Variants in ICAM5 observed in about 807,000 individuals in gnomAD.
ICAM5 encodes the protein ICAM-5.
ICAM5 carries 38 observed loss-of-function variants against 78.8 expected under a neutral mutation model. That is an observed-to-expected ratio of 0.48 (90% CI 0.37 to 0.63). ICAM5 has a LOEUF of 0.63. Ranked by LOEUF, ICAM5 falls within the 30% of genes least tolerant of loss-of-function variation. The pLI, the probability that ICAM5 is intolerant of heterozygous loss-of-function variation, is 0.00. For missense variants in ICAM5, 1,059 were observed against 1,303.0 expected (o/e 0.81, Z 2.88); for synonymous variants, 544 against 590.9 (o/e 0.92, Z 1.15).
Position 10,293,602 on chromosome 19 carries a change from AC to A in ICAM5, c.1466-95del. 6.7e-7 allele frequency: 1 copy of A among 1,500,122 alleles called. No homozygotes were observed. Among genetic ancestry groups the A allele is most frequent in the Non-Finnish European group, 9.0e-7 (1 of 1,107,932 alleles). The allele number at this position is 1,500,122 out of a possible 1,614,324, so 92.9% of individuals were successfully genotyped here. On this transcript the variant is annotated intron_variant, in intron 6 of 10. Transcript: ENST00000221980. The surrounding 1 kb of genome is among the most constrained non-coding windows in gnomAD (Gnocchi z 5.0). Reference sequence around the variant, plus strand: ...ATCGGCGTCCAAGGGTTATGCAGGGACAACACTTCGTGGAAGCCTTGCCGCG... The same window carrying A: ...ATCGGCGTCCAAGGGTTATGCAGGGAAACACTTCGTGGAAGCCTTGCCGCG...
rs186230061 is a variant in ICAM5 at position 10,294,878 on chromosome 19, C to T, written c.2230+238C>T. On this transcript the variant is annotated intron_variant, in intron 9 of 10. Coordinates refer to ENST00000221980, the MANE Select transcript of ICAM5 (RefSeq NM_003259.4). This position sits in a 1 kb window ranked among gnomAD's most constrained non-coding sequence, Gnocchi z 7.7. ...GCCAGGAGTTCGAGACCAGCCCGGC[C>T]AACATGGCGAAAACCCGTCTCTACA... Among the ~76,000 whole-genome samples, 23 of 152,240 alleles carry T rather than the reference C, an allele frequency of 1.5e-4. No homozygotes were observed. In the East Asian group the frequency reaches 1.7e-3, roughly 11 times the overall value.
At position 10,290,362 on chromosome 19, in the gene ICAM5, A is replaced by C; in HGVS notation, c.82+237A>C. The C allele has an allele frequency of 4.3e-6, 2 of 465,072 alleles. No individual in the cohort carries two copies. Among genetic ancestry groups the C allele is most frequent in the Non-Finnish European group, 3.8e-6 (1 of 262,528 alleles). The allele number at this position is 465,072 out of a possible 1,614,324, so 28.8% of individuals were successfully genotyped here. ...GATCCTAGGTGTTCTTCCGCACCCAACCCTTCGCCCTGGAGACCCAGTGTC... is the reference window on the plus strand; with the variant it reads ...GATCCTAGGTGTTCTTCCGCACCCACCCCTTCGCCCTGGAGACCCAGTGTC... On this transcript the variant is annotated intron_variant, in intron 1 of 10. Transcript: ENST00000221980. This position sits in a 1 kb window ranked among gnomAD's most constrained non-coding sequence, Gnocchi z 5.7.
At chr19:10,291,456 G>T (rs776421450) in intron 2 of ICAM5, 33 bp from the exon 3 acceptor site, 20 of 1,610,520 alleles carry the variant, frequency 1.2e-5, no homozygotes, top group Non-Finnish European at 1.7e-5. Context: ...AAGTCCCGGT[G>T]TTCAAAGAGC....
Position 10,293,415 on chromosome 19 carries a change from A to G in ICAM5, c.1465+169A>G, listed in dbSNP as rs2040192775. On this transcript the variant is annotated intron_variant, in intron 6 of 10. Transcript: ENST00000221980. This position sits in a 1 kb window ranked among gnomAD's most constrained non-coding sequence, Gnocchi z 5.0. ...AGAAAGATCTTGGAGGATGGAAGGGACCGGGTGGGCGTGCCCCTAGCCTAG... is the reference window on the plus strand; with the variant it reads ...AGAAAGATCTTGGAGGATGGAAGGGGCCGGGTGGGCGTGCCCCTAGCCTAG... Among the ~76,000 whole-genome samples, 1 of 151,902 alleles carries G rather than the reference A, an allele frequency of 6.6e-6. No homozygotes were observed. The highest frequency in any genetic ancestry group is 1.5e-5 in the Non-Finnish European group (1 of 67,948).
intron 4 of ICAM5, 105 bp downstream of exon 4, chr19:10,292,427 G>GC (rs2040181703): frequency 5.2e-6 from 7 of 1,348,232 alleles, no homozygotes; most frequent in Middle Eastern, 2.6e-4. Flanking sequence ...GGCGTGGCCC[G>GC]AGGGGCGGGG....
At position 10,293,780 on chromosome 19, in the gene ICAM5, G is replaced by T; in HGVS notation, c.1548G>T (p.Ala516=). ...CAGAAGCCTCGCTGAGCTGTGTGGC[G>T]CACGGGGTACCGCCGCCTGATGTGA... The part of the protein sequence containing the change: ...EGTEASLSCV[A]HGVPPPDVIC... The change falls in exon 7 of 11, where the codon GCG becomes GCT. Residue 516 remains alanine, a synonymous_variant. Coordinates refer to ENST00000221980, the MANE Select transcript of ICAM5 (RefSeq NM_003259.4). This position sits in a 1 kb window ranked among gnomAD's most constrained non-coding sequence, Gnocchi z 5.0. 6.2e-7 allele frequency: 1 copy of T among 1,613,812 alleles called. No individual in the cohort carries two copies.
rs1356424301 is a variant in ICAM5 at position 10,291,085 on chromosome 19, G to C, written c.96G>C (p.Glu32Asp). The change falls in exon 2 of 11, where the codon GAG becomes GAC. Residue 32 changes from glutamate (E) to aspartate (D), a missense_variant. Transcript: ENST00000221980. The stretch of plus-strand genomic sequence containing the variant: ...TTCCCTGGGCAGCGGTCTCGCAGGA[G>C]CCCTTCTGGGCGGACCTGCAGCCTC... ...GLFGLSAVSQ[E>D]PFWADLQPRV... The C allele has an allele frequency of 1.2e-6, 2 of 1,609,246 alleles. No individual in the cohort carries two copies. Among genetic ancestry groups the C allele is most frequent in the African/African-American group, 1.3e-5 (1 of 74,856 alleles).
chr19:10,294,378 C>T lies in ICAM5; in HGVS notation c.1991-23C>T. On this transcript the variant is annotated intron_variant, in intron 8 of 10. Coordinates refer to ENST00000221980, the MANE Select transcript of ICAM5 (RefSeq NM_003259.4). This position sits in a 1 kb window ranked among gnomAD's most constrained non-coding sequence, Gnocchi z 7.7. Reference sequence around the variant, plus strand: ...GCCCCACGGTCCAGGCACTCCCTGACATCCCCCATGGCTGCTTTGCAGCGC... The same window carrying T: ...GCCCCACGGTCCAGGCACTCCCTGATATCCCCCATGGCTGCTTTGCAGCGC... 1 of 1,613,008 alleles carries T rather than the reference C, an allele frequency of 6.2e-7. No individual in the cohort carries two copies.
chr19:10,290,810 C>T lies in ICAM5; in HGVS notation c.83-262C>T, dbSNP rs936124589. The T allele has an allele frequency of 3.5e-6, 2 of 576,158 alleles. No homozygotes were observed. The highest frequency in any genetic ancestry group is 5.8e-5 in the East Asian group (2 of 34,586). 35.7% of individuals were successfully genotyped at this position (576,158 alleles called of 1,614,324 possible). On this transcript the variant is annotated intron_variant, in intron 1 of 10. Transcript: ENST00000221980. This position sits in a 1 kb window ranked among gnomAD's most constrained non-coding sequence, Gnocchi z 5.7. Reference sequence around the variant, plus strand: ...ACCTTTCCTCTCCTCTACGCCCTCCCCCCATGCTTTCCCGCCGCTCCATCG... The same window carrying T: ...ACCTTTCCTCTCCTCTACGCCCTCCTCCCATGCTTTCCCGCCGCTCCATCG...
chr19:10,291,751 G>A lies in ICAM5; in HGVS notation c.615G>A (p.Arg205=). The A allele has an allele frequency of 6.2e-7, 1 of 1,612,880 alleles. No homozygotes were observed. The highest frequency in any genetic ancestry group is 8.5e-7 in the Non-Finnish European group (1 of 1,180,006). ...CGTGTCGCGCCGAGCTGGACCTGCGGCCGCACGGACTGGGACTGTTTGAAA... is the reference window on the plus strand; with the variant it reads ...CGTGTCGCGCCGAGCTGGACCTGCGACCGCACGGACTGGGACTGTTTGAAA... ...NFSCRAELDL[R]PHGLGLFENS... The change falls in exon 3 of 11, where the codon CGG becomes CGA. Residue 205 remains arginine, a synonymous_variant. Coordinates refer to ENST00000221980, the MANE Select transcript of ICAM5 (RefSeq NM_003259.4).
rs1393955202 is a variant in ICAM5 at position 10,292,231 on chromosome 19, T to C, written c.870T>C (p.Ala290=). 6.2e-7 allele frequency: 1 copy of C among 1,613,040 alleles called. No homozygotes were observed. Among genetic ancestry groups the C allele is most frequent in the Non-Finnish European group, 8.5e-7 (1 of 1,179,886 alleles). Residue 290 remains alanine (A), a synonymous_variant, in exon 4 of 11, where the codon GCT becomes GCC. Coordinates refer to ENST00000221980, the MANE Select transcript of ICAM5 (RefSeq NM_003259.4). ...DAFVATATAT[A]SAEQEGARQL... ...TCGTGGCCACTGCCACAGCCACAGC[T>C]AGCGCAGAGCAGGAGGGTGCCAGGC...
In ICAM5 at chr19:10,290,872, C is replaced by G; in HGVS notation, c.83-200C>G. ...ACCATGGCTCTCTGCTACCACGTCC[C>G]AGAGACACCCTCGAGGTTTAGACTC... is the stretch of plus-strand genomic sequence containing the variant. On this transcript the variant is annotated intron_variant, in intron 1 of 10. Coordinates refer to ENST00000221980, the MANE Select transcript of ICAM5 (RefSeq NM_003259.4). The surrounding 1 kb of genome is among the most constrained non-coding windows in gnomAD (Gnocchi z 5.7). The G allele has an allele frequency of 1.5e-6, 1 of 665,084 alleles. No homozygotes were observed. Among genetic ancestry groups the G allele is most frequent in the Non-Finnish European group, 2.5e-6 (1 of 397,594 alleles). The allele number at this position is 665,084 out of a possible 1,614,324, so 41.2% of individuals were successfully genotyped here.
Position 10,292,690 on chromosome 19 carries a change from G to C in ICAM5, c.1040G>C (p.Gly347Ala). Residue 347 changes from glycine (G) to alanine (A), a missense_variant, in exon 5 of 11, where the codon GGG (glycine) becomes GCG (alanine). This residue lies in a region of ICAM5 where 815 missense variants were observed against 952.8 expected (regional missense o/e 0.86). Transcript: ENST00000221980. ...GQMVTVTCAA[G>A]AQALVTLEGV... is the part of the protein sequence containing the mutation. The stretch of plus-strand genomic sequence containing the variant: ...ATGGTGACAGTAACCTGCGCAGCTG[G>C]GGCCCAAGCTCTGGTCACACTGGAG... The C allele has an allele frequency of 6.2e-7, 1 of 1,611,714 alleles. No homozygotes were observed. Among genetic ancestry groups the C allele is most frequent in the South Asian group, 1.1e-5 (1 of 91,036 alleles).
Position 10,290,155 on chromosome 19 carries a change from C to CAGGGCG in ICAM5, c.82+31_82+36dup. On this transcript the variant is annotated intron_variant, in intron 1 of 10. Transcript: ENST00000221980. The surrounding 1 kb of genome is among the most constrained non-coding windows in gnomAD (Gnocchi z 5.7). ...GAGCCCCGCTCTGGTTCGGGGTGGA[C>CAGGGCG]AGGGCGGGGGCGGAGTCCCTGGACC... The CAGGGCG allele has an allele frequency of 6.8e-7, 1 of 1,467,266 alleles. No homozygotes were observed. The highest frequency in any genetic ancestry group is 9.1e-7 in the Non-Finnish European group (1 of 1,099,120). The allele number at this position is 1,467,266 out of a possible 1,614,324, so 90.9% of individuals were successfully genotyped here. A position where few individuals can be genotyped will look rare whatever the true frequency, so the allele number is the denominator to read the frequency against.
rs957637914 is a variant in ICAM5, at chr19:10,290,886, A to G, written c.83-186A>G. Reference sequence around the variant, plus strand: ...CTACCACGTCCCAGAGACACCCTCGAGGTTTAGACTCTGGGAGTGCGCCTT... The same window carrying G: ...CTACCACGTCCCAGAGACACCCTCGGGGTTTAGACTCTGGGAGTGCGCCTT... On this transcript the variant is annotated intron_variant, in intron 1 of 10. Coordinates refer to ENST00000221980, the MANE Select transcript of ICAM5 (RefSeq NM_003259.4). The surrounding 1 kb of genome is among the most constrained non-coding windows in gnomAD (Gnocchi z 5.7). 3.9e-5 allele frequency: 27 copies of G among 696,444 alleles called. No individual in the cohort carries two copies. In the African/African-American group the frequency reaches 4.1e-4, roughly 11 times the overall value. 43.1% of individuals were successfully genotyped at this position (696,444 alleles called of 1,614,324 possible).
In ICAM5 at chr19:10,290,124, A is replaced by G. The variant is rs774623176; in HGVS notation, c.81A>G (p.Ser27=). ...AALGLGLFGL[S]AVSQEPFWAD... ...TGGGCCTGGGGCTCTTCGGCCTCTC[A>G]GGTAAGAGCCCCGCTCTGGTTCGGG... The change falls in exon 1 of 11, where the codon TCA becomes TCG. Residue 27 remains serine (S), a splice_region_variant and synonymous_variant. Coordinates refer to ENST00000221980, the MANE Select transcript of ICAM5 (RefSeq NM_003259.4). This position sits in a 1 kb window ranked among gnomAD's most constrained non-coding sequence, Gnocchi z 5.7. 2 of 1,522,942 alleles carry G rather than the reference A, an allele frequency of 1.3e-6. No individual in the cohort carries two copies. The highest frequency in any genetic ancestry group is 4.3e-5 in the Admixed American group (2 of 46,668). The allele number at this position is 1,522,942 out of a possible 1,614,324, so 94.3% of individuals were successfully genotyped here.
rs2040157774 is a variant in ICAM5, at chr19:10,290,045, TGCCAGGGCCTTC to T, written c.11_22del (p.ProSerProGly4_?7). On this transcript the variant is annotated start_lost and inframe_deletion, in exon 1 of 11. Transcript: ENST00000221980. The surrounding 1 kb of genome is among the most constrained non-coding windows in gnomAD (Gnocchi z 5.7). The stretch of plus-strand genomic sequence containing the variant: ...TCCTGTGCTTTCCCCGCCGCGGCGA[TGCCAGGGCCTTC>T]GCCAGGGCTGCGCCGGGCGCTACTC... 2 of 1,540,298 alleles carry T rather than the reference TGCCAGGGCCTTC, an allele frequency of 1.3e-6. No individual in the cohort carries two copies. Among genetic ancestry groups the T allele is most frequent in the African/African-American group, 1.4e-5 (1 of 72,810 alleles).
In ICAM5 at chr19:10,296,639, G is replaced by A. The variant is rs879695103; in HGVS notation, c.*23G>A. 5.0e-6 allele frequency: 6 copies of A among 1,208,410 alleles called. No homozygotes were observed. The highest frequency in any genetic ancestry group is 1.6e-5 in the African/African-American group (1 of 63,300). The allele number at this position is 1,208,410 out of a possible 1,614,324, so 74.9% of individuals were successfully genotyped here. ...TGAGCCCGCTCCCCTCTCCCCGCGG[G>A]CCGGGGGACGCCCCCCAGACTCACA... is the stretch of plus-strand genomic sequence containing the variant. On this transcript the variant is annotated 3_prime_UTR_variant, in exon 11 of 11. Transcript: ENST00000221980.
In ICAM5 at chr19:10,290,136, C is replaced by A; in HGVS notation, c.82+11C>A. ...TCTTCGGCCTCTCAGGTAAGAGCCC[C>A]GCTCTGGTTCGGGGTGGACAGGGCG... is the stretch of plus-strand genomic sequence containing the variant. On this transcript the variant is annotated intron_variant, in intron 1 of 10. Coordinates refer to ENST00000221980, the MANE Select transcript of ICAM5 (RefSeq NM_003259.4). The surrounding 1 kb of genome is among the most constrained non-coding windows in gnomAD (Gnocchi z 5.7). The A allele has an allele frequency of 6.6e-7, 1 of 1,508,492 alleles. No homozygotes were observed. The highest frequency in any genetic ancestry group is 2.6e-5 in the East Asian group (1 of 38,916). The allele number at this position is 1,508,492 out of a possible 1,614,324, so 93.4% of individuals were successfully genotyped here. A position where few individuals can be genotyped will look rare whatever the true frequency, so the allele number is the denominator to read the frequency against.
Sources: allele counts gnomAD v4.1 joint callset (sites outside exome capture counted in the v4.1 genomes callset), GRCh38; gene constraint gnomAD v4.1.1; regional missense constraint gnomAD v4.1.1; non-coding constraint Gnocchi (gnomAD v3.1); transcripts MANE v1.5; gene names NCBI Gene and HGNC (gene_info 2026-07-23, HGNC 2026-07-21).